Variants in EBF1 observed in about 807,000 individuals in gnomAD.
EBF1 encodes the protein EBF transcription factor 1, also known as transcription factor COE1.
EBF1 carries 10 observed loss-of-function variants against 68.4 expected under a neutral mutation model. That is an observed-to-expected ratio of 0.15 (90% CI 0.09 to 0.25). The LOEUF (loss-of-function observed/expected upper bound fraction) is 0.25, where lower values mean the gene tolerates loss of function less well. Among genes scored for constraint, EBF1 ranks in the 10% least tolerant of loss-of-function variants. EBF1 has a pLI of 1.00. For missense variants in EBF1, 509 were observed against 794.4 expected (o/e 0.64, Z 4.32); for synonymous variants, 298 against 299.8 (o/e 0.99, Z 0.06).
At chr5:159,098,041 C>T (rs1000747005) in intron 1 of EBF1, among the ~76,000 whole-genome samples, 7 of 152,250 alleles carry the variant, frequency 4.6e-5, no homozygotes, top group African/African-American at 1.4e-4. Flanking sequence ...TCCTAATACT[C>T]AGTGGGGATG....
chr5:158,776,608 AC>A (rs1368247456), intron 10 of EBF1, among the ~76,000 whole-genome samples: 2 of 152,168 alleles, frequency 1.3e-5, no homozygotes, highest in African/African-American at 2.4e-5. Flanking sequence ...TCCAAGGATG[AC>A]TGACACTAAG....
intron 6 of EBF1, among the ~76,000 whole-genome samples, chr5:158,859,055 A>G (rs1237701923): frequency 1.3e-5 from 2 of 152,200 alleles, no homozygotes; most frequent in African/African-American, 4.8e-5. Flanking sequence ...CAACATGTTT[A>G]TCTACCAAAA....
intron 6 of EBF1, among the ~76,000 whole-genome samples, chr5:158,895,163 G>A (rs1164266178): frequency 6.6e-6 from 1 of 152,076 alleles, no homozygotes; most frequent in Non-Finnish European, 1.5e-5. Flanking sequence ...TCAATAATAA[G>A]TCAGATGCCA....
intron 9 of EBF1, among the ~76,000 whole-genome samples, chr5:158,790,140 T>A (rs1778326051): frequency 6.6e-6 from 1 of 152,200 alleles, no homozygotes; most frequent in African/African-American, 2.4e-5. Flanking sequence ...TGTGTGAGAC[T>A]AATTGCTTCA....
chr5:159,031,410 C>G (rs1768831895), intron 6 of EBF1, among the ~76,000 whole-genome samples: 2 of 152,216 alleles, frequency 1.3e-5, no homozygotes, highest in African/African-American at 4.8e-5. Context: ...CTCCTCACCT[C>G]CCATCTCCAC....
intron 6 of EBF1, among the ~76,000 whole-genome samples, chr5:158,888,204 G>A (rs1800423707): frequency 1.3e-5 from 2 of 152,046 alleles, no homozygotes; most frequent in South Asian, 4.1e-4. Context: ...GTTTTTCCTA[G>A]TTGGTGAAGA....
At chr5:158,835,936 TATC>T (rs778680491) in intron 7 of EBF1, among the ~76,000 whole-genome samples, 1 of 152,236 alleles carries the variant, frequency 6.6e-6, no homozygotes, top group Non-Finnish European at 1.5e-5. Context: ...ATGTTAGCTT[TATC>T]ATCATCATCG....
chr5:158,731,029 G>T, intron 11 of EBF1, 40 bp downstream of exon 11: 1 of 1,585,896 alleles, frequency 6.3e-7, no homozygotes, highest in South Asian at 1.1e-5. Flanking sequence ...AATCGCTCAA[G>T]TCCAAATTTT....
chr5:158,758,333 C>A (rs564511447), intron 10 of EBF1, among the ~76,000 whole-genome samples: 3 of 152,106 alleles, frequency 2.0e-5, no homozygotes, highest in Admixed American at 6.6e-5. Context: ...CAATAATCAG[C>A]CTGTCTCAAA....
intron 6 of EBF1, among the ~76,000 whole-genome samples, chr5:158,908,429 A>C (rs1214734377): frequency 6.6e-6 from 1 of 152,208 alleles, no homozygotes; most frequent in African/African-American, 2.4e-5. Flanking sequence ...TGTGCTAACA[A>C]ATCCCTAGGT....
intron 6 of EBF1, among the ~76,000 whole-genome samples, chr5:158,914,828 G>A (rs183524507): frequency 1.3e-5 from 2 of 152,254 alleles, no homozygotes; most frequent in East Asian, 3.9e-4. Flanking sequence ...TGAAGTAGCA[G>A]CAGTGCATAT....
chr5:158,893,368 G>A lies in EBF1; in HGVS notation c.555-53258C>T, dbSNP rs143880054. On this transcript the variant is annotated intron_variant, in intron 6 of 15. Coordinates refer to ENST00000313708, the MANE Select transcript of EBF1 (RefSeq NM_024007.5). ...CTTCACAACAGGACATTGCTGTATC[G>A]AGAATTCCTCTCTGTATTGTGCATT... 2.1e-3 allele frequency among the ~76,000 whole-genome samples: 318 copies of A among 152,212 alleles called. 2 individuals carry two copies. The highest frequency in any genetic ancestry group is 7.2e-3 in the African/African-American group (300 of 41,520).
chr5:158,789,799 C>T (rs565099301), intron 9 of EBF1, among the ~76,000 whole-genome samples: 117 of 152,266 alleles, frequency 7.7e-4, no homozygotes, highest in Admixed American at 1.4e-3. Flanking sequence ...CGGTGGAATA[C>T]CTGTATGCAT....
intron 7 of EBF1, among the ~76,000 whole-genome samples, chr5:158,836,290 G>A (rs1222670587): frequency 6.6e-6 from 1 of 152,154 alleles, no homozygotes; most frequent in Admixed American, 6.5e-5. Context: ...AAGATGCTGT[G>A]ACTGGAGAAG....
intron 6 of EBF1, among the ~76,000 whole-genome samples, chr5:158,846,008 A>G (rs902057727): frequency 6.6e-6 from 1 of 152,264 alleles, no homozygotes; most frequent in Non-Finnish European, 1.5e-5. Context: ...CATAATGTCC[A>G]TGCTAGACAG....
At chr5:158,918,381 T>C (rs1171516992) in intron 6 of EBF1, among the ~76,000 whole-genome samples, 1 of 152,222 alleles carries the variant, frequency 6.6e-6, no homozygotes, top group Admixed American at 6.5e-5. Flanking sequence ...CCCAACTTTA[T>C]AGAAACAGAC....
rs967530947 is a variant in EBF1, at chr5:158,897,986, G to A, written c.555-57876C>T. ...CATCTAGAGGGCTCAACAAATGCTG[G>A]CCATCACTATTTGCCATTGAAAGAT... On this transcript the variant is annotated intron_variant, in intron 6 of 15. Transcript: ENST00000313708. Among the ~76,000 whole-genome samples, 10 of 152,114 alleles carry A rather than the reference G, an allele frequency of 6.6e-5. 1 individual carries two copies. Among genetic ancestry groups the A allele is most frequent in the African/African-American group, 2.4e-4 (10 of 41,420 alleles).
rs549102589 is a variant in EBF1 at position 158,705,597 on chromosome 5, T to C, written c.1744+2382A>G. Among the ~76,000 whole-genome samples, 3 of 152,352 alleles carry C rather than the reference T, an allele frequency of 2.0e-5. No individual in the cohort carries two copies. In the East Asian group the frequency reaches 5.8e-4, roughly 29 times the overall value. ...TGGGAGGACAAATGCACAAACTTTG[T>C]ATATATCCCTGTCCTGAAGCCATTT... On this transcript the variant is annotated intron_variant, in intron 15 of 15. Coordinates refer to ENST00000313708, the MANE Select transcript of EBF1 (RefSeq NM_024007.5).
rs184722121 is a variant in EBF1, at chr5:158,702,829, C to T, written c.1745-3687G>A. ...GTAAGTGAGTGGGTAAATCTTGCAC[C>T]GACTGAATATGTGCATGGAAAAAAT... On this transcript the variant is annotated intron_variant, in intron 15 of 15. Coordinates refer to ENST00000313708, the MANE Select transcript of EBF1 (RefSeq NM_024007.5). 2.8e-3 allele frequency among the ~76,000 whole-genome samples: 420 copies of T among 149,270 alleles called. 2 individuals carry two copies. The highest frequency in any genetic ancestry group is 9.8e-3 in the African/African-American group (395 of 40,464).
Sources: allele counts gnomAD v4.1 joint callset (sites outside exome capture counted in the v4.1 genomes callset), GRCh38; gene constraint gnomAD v4.1.1; transcripts MANE v1.5; gene names NCBI Gene and HGNC (gene_info 2026-07-23, HGNC 2026-07-21).